PAPOLG: variants seen among roughly 807,000 people sequenced by gnomAD.
PAPOLG encodes poly(A) polymerase gamma.
Under a neutral mutation model 99.0 loss-of-function variants are expected in PAPOLG, and 40 were observed. That is an observed-to-expected ratio of 0.40 (90% CI 0.31 to 0.53). The LOEUF (loss-of-function observed/expected upper bound fraction) is 0.53, where lower values mean the gene tolerates loss of function less well. Ranked by LOEUF, PAPOLG falls within the 20% of genes least tolerant of loss-of-function variation. PAPOLG has a pLI of 0.41. For missense variants in PAPOLG, 675 were observed against 884.1 expected (o/e 0.76, Z 3.00); for synonymous variants, 310 against 299.3 (o/e 1.04, Z -0.37).
intron 8 of PAPOLG, among the ~76,000 whole-genome samples, chr2:60,777,253 C>T (rs375222608): frequency 9.9e-5 from 15 of 152,152 alleles, no homozygotes; most frequent in East Asian, 1.9e-4. Context: ...CAGGAGAGTT[C>T]GAGATCAGCC....
In PAPOLG at chr2:60,782,107, A is replaced by G. The variant is rs921525935; in HGVS notation, c.1027+102A>G. Reference sequence around the variant, plus strand: ...TGGATTGGCAGTTAGAGTTATACCTATTCTTTCTAAAAATTCTTTCAAGTA... The same window carrying G: ...TGGATTGGCAGTTAGAGTTATACCTGTTCTTTCTAAAAATTCTTTCAAGTA... On this transcript the variant is annotated intron_variant, in intron 11 of 21. Transcript: ENST00000238714. The G allele has an allele frequency of 5.1e-5, 60 of 1,181,798 alleles. No homozygotes were observed. In the Middle Eastern group the frequency reaches 8.0e-4, roughly 16 times the overall value. The allele number at this position is 1,181,798 out of a possible 1,614,324, so 73.2% of individuals were successfully genotyped here. A position where few individuals can be genotyped will look rare whatever the true frequency, so the allele number is the denominator to read the frequency against.
At chr2:60,768,942 CTA>C in intron 5 of PAPOLG, 52 bp downstream of exon 5, 1 of 1,323,012 alleles carries the variant, frequency 7.6e-7, no homozygotes, top group South Asian at 1.4e-5. Flanking sequence ...TAACAAATAT[CTA>C]TAAAAACTAG....
chr2:60,780,860 T>C, intron 10 of PAPOLG, 81 bp downstream of exon 10: 1 of 1,092,448 alleles, frequency 9.2e-7, no homozygotes, highest in Non-Finnish European at 1.4e-6. Flanking sequence ...TTAAAGATAG[T>C]TCCTCTTGTC....
At chr2:60,776,207 GT>G (rs1671012883) in intron 8 of PAPOLG, among the ~76,000 whole-genome samples, 1 of 152,108 alleles carries the variant, frequency 6.6e-6, no homozygotes, top group South Asian at 2.1e-4. Context: ...TAGGTGCATT[GT>G]CAAAAGAGCA....
Position 60,768,500 on chromosome 2 carries a change from G to C in PAPOLG, c.277G>C (p.Gly93Arg). 1 of 1,613,830 alleles carries C rather than the reference G, an allele frequency of 6.2e-7. No homozygotes were observed. Among genetic ancestry groups the C allele is most frequent in the Non-Finnish European group, 8.5e-7 (1 of 1,179,828 alleles). Residue 93 changes from glycine (G) to arginine (R), a missense_variant, in exon 4 of 22, where the codon GGT becomes CGT. Gly to Arg is a moderately radical substitution (Grantham distance 125). This residue lies in a region of PAPOLG where 149 missense variants were observed against 192.1 expected (regional missense o/e 0.78). Coordinates refer to ENST00000238714, the MANE Select transcript of PAPOLG (RefSeq NM_022894.4). ...CCCACCTTCTGTTGTGGCTACTGTT[G>C]GTGGTAAAATTTTCACATTTGGATC... ...NLPPSVVATV[G>R]GKIFTFGSYR... is the part of the protein sequence containing the mutation.
intron 8 of PAPOLG, among the ~76,000 whole-genome samples, chr2:60,777,443 A>G (rs10469942): frequency 0.49 from 73,958 of 151,990 alleles, 18,666 homozygotes; most frequent in Middle Eastern, 0.6. Flanking sequence ...GCGACAGAGC[A>G]AGACTCCGTC....
intron 7 of PAPOLG, among the ~76,000 whole-genome samples, chr2:60,774,306 T>TA (rs769857309): frequency 1.1e-3 from 164 of 151,898 alleles, no homozygotes; most frequent in Non-Finnish European, 1.8e-3. Context: ...AGTATTATTA[T>TA]AAAAAAAGTT....
chr2:60,787,636 CAT>C lies in PAPOLG; in HGVS notation c.1396+18_1396+19del. On this transcript the variant is annotated intron_variant, in intron 15 of 21. Coordinates refer to ENST00000238714, the MANE Select transcript of PAPOLG (RefSeq NM_022894.4). ...ACTGATACAGGTAAGACTCCATCAT[CAT>C]AGAGCTGTGATTCTCAAACCTGGCT... The C allele has an allele frequency of 6.2e-7, 1 of 1,610,280 alleles. No individual in the cohort carries two copies. The highest frequency in any genetic ancestry group is 8.5e-7 in the Non-Finnish European group (1 of 1,178,234).
chr2:60,773,220 CG>C (rs1670909150), intron 7 of PAPOLG, among the ~76,000 whole-genome samples: 1 of 152,152 alleles, frequency 6.6e-6, no homozygotes, highest in African/African-American at 2.4e-5. Context: ...CCACCGTGCC[CG>C]GACTTCACTG....
At chr2:60,773,185 A>G (rs971551368) in intron 7 of PAPOLG, among the ~76,000 whole-genome samples, 9 of 152,158 alleles carry the variant, frequency 5.9e-5, no homozygotes, top group African/African-American at 2.2e-4. Flanking sequence ...TCAGCCTCCC[A>G]AAGTGCTGGG....
chr2:60,782,076 C>A, intron 11 of PAPOLG, 71 bp downstream of exon 11: 2 of 1,468,486 alleles, frequency 1.4e-6, no homozygotes, highest in Non-Finnish European at 1.9e-6. Flanking sequence ...TTCTCTGTTG[C>A]AGCTATGGAT....
chr2:60,782,653 CTTTTTTTTTTTT>C (rs747526129), intron 11 of PAPOLG, 21 bp from the exon 12 acceptor site: 27 of 1,065,972 alleles, frequency 2.5e-5, no homozygotes, highest in Non-Finnish European at 2.6e-5. Flanking sequence ...CATTCTTCTT[CTTTTTTTTTTTT>C]TTTTTTTTTT....
At chr2:60,783,077 G>T in intron 12 of PAPOLG, 79 bp from the exon 13 acceptor site, 2 of 1,299,736 alleles carry the variant, frequency 1.5e-6, no homozygotes, top group Non-Finnish European at 1.0e-6. Flanking sequence ...GAGAGGGAGG[G>T]AAAAAAGGGG....
In PAPOLG at chr2:60,783,303, A is replaced by C. The variant is rs992678066; in HGVS notation, c.1166+94A>C. ...CATTTATAAAGTACTTTCTTGCTTG[A>C]TTTTCAAAATTATTATATCTCTTTT... On this transcript the variant is annotated intron_variant, in intron 13 of 21. Coordinates refer to ENST00000238714, the MANE Select transcript of PAPOLG (RefSeq NM_022894.4). The C allele has an allele frequency of 6.9e-6, 3 of 436,538 alleles. No homozygotes were observed. The East Asian group carries it at 1.2e-4, about 17-fold the overall frequency. The allele number at this position is 436,538 out of a possible 1,614,324, so 27.0% of individuals were successfully genotyped here.
chr2:60,776,418 A>ATTTTTT (rs70959863), intron 8 of PAPOLG, among the ~76,000 whole-genome samples: 4 of 85,868 alleles, frequency 4.7e-5, no homozygotes, highest in South Asian at 3.3e-4. Flanking sequence ...CATTGGCTTC[A>ATTTTTT]TTTTTTTTTT....
chr2:60,765,938 A>T (rs1284845908), intron 3 of PAPOLG, among the ~76,000 whole-genome samples: 1 of 151,980 alleles, frequency 6.6e-6, no homozygotes, highest in Non-Finnish European at 1.5e-5. Context: ...ACATAACAAG[A>T]CTCTGTCTCT....
chr2:60,760,863 T>C (rs1005610871), intron 2 of PAPOLG, among the ~76,000 whole-genome samples: 3 of 152,180 alleles, frequency 2.0e-5, no homozygotes. Flanking sequence ...ACATGATGAC[T>C]TAAAAAAGTT....
intron 2 of PAPOLG, 86 bp from the exon 3 acceptor site, chr2:60,761,655 A>C: frequency 8.6e-7 from 1 of 1,163,202 alleles, no homozygotes; most frequent in Non-Finnish European, 1.3e-6. Context: ...CAGCATCAAC[A>C]CAAAGGGTAC....
chr2:60,781,806 T>G (rs1671197774), intron 10 of PAPOLG, 79 bp from the exon 11 acceptor site: 5 of 1,565,722 alleles, frequency 3.2e-6, no homozygotes, highest in Admixed American at 1.8e-5. Context: ...TATTTCATAT[T>G]CTTCAGACTT....
Sources: allele counts gnomAD v4.1 joint callset (sites outside exome capture counted in the v4.1 genomes callset), GRCh38; gene constraint gnomAD v4.1.1; regional missense constraint gnomAD v4.1.1; transcripts MANE v1.5; gene names NCBI Gene and HGNC (gene_info 2026-07-23, HGNC 2026-07-21).